The following SDCCAG8 variants were observed in gnomAD, a reference collection of about 807,000 sequenced individuals.
The protein encoded by SDCCAG8 is serologically defined colon cancer antigen 8.
Under a neutral mutation model 101.8 loss-of-function variants are expected in SDCCAG8, and 74 were observed. The observed-to-expected ratio is 0.73, with a 90% confidence interval of 0.60 to 0.88. The LOEUF (loss-of-function observed/expected upper bound fraction) is 0.88, where lower values mean the gene tolerates loss of function less well. SDCCAG8 is among the 40% of genes least tolerant of loss of function. The pLI, the probability that SDCCAG8 is intolerant of heterozygous loss-of-function variation, is 0.00. For missense variants in SDCCAG8, 787 were observed against 822.6 expected, an observed-to-expected ratio of 0.96 and a Z score of 0.53; for synonymous variants, 281 against 292.9, an observed-to-expected ratio of 0.96 and a Z score of 0.41.
chr1:243,427,357 C>A (rs977753293), intron 16 of SDCCAG8, among the ~76,000 whole-genome samples: 11 of 151,994 alleles, frequency 7.2e-5, no homozygotes, highest in South Asian at 2.1e-4. Flanking sequence ...ATAAACACAG[C>A]CTCTTACTAT....
At chr1:243,287,834 A>G (rs112352789) in intron 5 of SDCCAG8, among the ~76,000 whole-genome samples, 14 of 152,356 alleles carry the variant, frequency 9.2e-5, no homozygotes, top group African/African-American at 3.1e-4. Context: ...AAGAAGGGGA[A>G]GTGAAGTGAG....
intron 17 of SDCCAG8, among the ~76,000 whole-genome samples, chr1:243,494,423 C>T (rs552251167): frequency 2.6e-5 from 4 of 152,312 alleles, no homozygotes; most frequent in Non-Finnish European, 4.4e-5. Flanking sequence ...GCTAAAATGT[C>T]ATTAACTCCC....
chr1:243,284,569 G>T (rs1421536819), intron 4 of SDCCAG8, among the ~76,000 whole-genome samples: 1 of 152,096 alleles, frequency 6.6e-6, no homozygotes, highest in African/African-American at 2.4e-5. Context: ...TAAGTTAGAC[G>T]AGATAGCTAG....
intron 12 of SDCCAG8, among the ~76,000 whole-genome samples, chr1:243,372,701 A>G (rs73118361): frequency 0.04 from 6,133 of 151,664 alleles, 433 homozygotes; most frequent in African/African-American, 0.14. Context: ...TTTTTTTTTA[A>G]GAAGTGGAAT....
chr1:243,368,746 A>G (rs1021159344), intron 12 of SDCCAG8, among the ~76,000 whole-genome samples: 3 of 152,148 alleles, frequency 2.0e-5, no homozygotes, highest in African/African-American at 7.2e-5. Flanking sequence ...TTAGGAAGCC[A>G]CTTTCAAAAT....
chr1:243,288,369 GA>G (rs1378550798), intron 5 of SDCCAG8, among the ~76,000 whole-genome samples: 1 of 151,852 alleles, frequency 6.6e-6, no homozygotes. Flanking sequence ...AACTACTTTG[GA>G]GACTGAGGTC....
chr1:243,330,201 A>T (rs2074486428), intron 9 of SDCCAG8, among the ~76,000 whole-genome samples: 1 of 152,208 alleles, frequency 6.6e-6, no homozygotes. Context: ...TGTAGTATAA[A>T]CATGATATAT....
intron 12 of SDCCAG8, among the ~76,000 whole-genome samples, chr1:243,367,982 G>A (rs576904112): frequency 6.6e-6 from 1 of 151,800 alleles, no homozygotes; most frequent in African/African-American, 2.4e-5. Flanking sequence ...GGGAGGTCAA[G>A]GCAGGAGGAT....
At chr1:243,420,343 C>G (rs542941387) in intron 15 of SDCCAG8, among the ~76,000 whole-genome samples, 1 of 152,334 alleles carries the variant, frequency 6.6e-6, no homozygotes, top group South Asian at 2.1e-4. Flanking sequence ...AGCACAGTGC[C>G]TGACACATAG....
At chr1:243,299,341 T>A (rs969865160) in intron 6 of SDCCAG8, among the ~76,000 whole-genome samples, 1 of 152,226 alleles carries the variant, frequency 6.6e-6, no homozygotes, top group Non-Finnish European at 1.5e-5. Context: ...GTATCTTTTT[T>A]GAAGTGGGTT....
intron 16 of SDCCAG8, among the ~76,000 whole-genome samples, chr1:243,452,553 G>A (rs1486035775): frequency 6.7e-6 from 1 of 150,224 alleles, no homozygotes; most frequent in Non-Finnish European, 1.5e-5. Flanking sequence ...TTTTTGAGTA[G>A]CTGAGACTGT....
chr1:243,300,492 C>T (rs1374892235), intron 6 of SDCCAG8, among the ~76,000 whole-genome samples: 1 of 152,182 alleles, frequency 6.6e-6, no homozygotes, highest in African/African-American at 2.4e-5. Context: ...CAGTGGCCCT[C>T]CAGTGTTTCT....
chr1:243,333,372 A>G (rs1401130438), intron 10 of SDCCAG8, among the ~76,000 whole-genome samples: 1 of 152,222 alleles, frequency 6.6e-6, no homozygotes, highest in South Asian at 2.1e-4. Flanking sequence ...AGTTCTAAAA[A>G]TCTGATTGTC....
chr1:243,256,382 A>C, intron 1 of SDCCAG8, 142 bp downstream of exon 1: 1 of 710,444 alleles, frequency 1.4e-6, no homozygotes. Context: ...TGTGGTCTTG[A>C]GGAGGATGAA....
rs114003442 is a variant in SDCCAG8 at position 243,361,671 on chromosome 1, A to C, written c.1474-17050A>C. Among the ~76,000 whole-genome samples, 1,212 of 152,276 alleles carry C rather than the reference A, an allele frequency of 8.0e-3. 22 individuals are homozygous for C. Among genetic ancestry groups the C allele is most frequent in the African/African-American group, 0.028 (1,157 of 41,550 alleles). On this transcript the variant is annotated intron_variant, in intron 12 of 17. Transcript: ENST00000366541. ...TCAGACATGCCATGGCCTTTGGACA[A>C]ACATCTTCCACATATATTCTTTCCC...
intron 15 of SDCCAG8, among the ~76,000 whole-genome samples, chr1:243,421,852 C>T (rs752399586): frequency 2.0e-5 from 3 of 152,166 alleles, no homozygotes; most frequent in African/African-American, 7.2e-5. Context: ...AGGAGGTAAA[C>T]GGAGCTATTT....
intron 13 of SDCCAG8, among the ~76,000 whole-genome samples, chr1:243,409,314 C>T (rs895549691): frequency 1.3e-5 from 2 of 151,964 alleles, no homozygotes; most frequent in Admixed American, 1.3e-4. Flanking sequence ...AGACAAGGTT[C>T]TATGTATGTT....
chr1:243,499,662 T>C, intron 17 of SDCCAG8, 94 bp from the exon 18 acceptor site: 1 of 1,027,846 alleles, frequency 9.7e-7, no homozygotes, highest in South Asian at 1.3e-5. Context: ...AACAACAGTT[T>C]TCATCATAAA....
rs140365679 is a variant in SDCCAG8 at position 243,432,710 on chromosome 1, G to A, written c.1985+6152G>A. ...TTAGAGTATCTTTTGGTGTGAAGAC[G>A]TTATTAGCCAATGGTGCCTTTTTCT... is the stretch of plus-strand genomic sequence containing the variant. On this transcript the variant is annotated intron_variant, in intron 16 of 17. Coordinates refer to ENST00000366541, the MANE Select transcript of SDCCAG8 (RefSeq NM_006642.5). 5.9e-5 allele frequency among the ~76,000 whole-genome samples: 9 copies of A among 152,188 alleles called. No homozygotes were observed. The East Asian group carries it at 1.4e-3, about 23-fold the overall frequency.
Sources: allele counts gnomAD v4.1 joint callset (sites outside exome capture counted in the v4.1 genomes callset), GRCh38; gene constraint gnomAD v4.1.1; transcripts MANE v1.5; gene names NCBI Gene and HGNC (gene_info 2026-07-23, HGNC 2026-07-21).